The following TENM3 variants were observed in gnomAD, a reference collection of about 807,000 sequenced individuals.
The protein encoded by TENM3 is teneurin-3.
A neutral mutation model predicts 255.1 loss-of-function variants in TENM3; 63 were observed. The observed-to-expected ratio is 0.25, with a 90% CI of 0.20 to 0.30. The LOEUF (loss-of-function observed/expected upper bound fraction) is 0.30, where lower values mean the gene tolerates loss of function less well. TENM3 is among the 10% of genes least tolerant of loss of function. The probability of loss-of-function intolerance (pLI) is 1.00; values close to 1 mark genes in which losing one functional copy is unlikely to be tolerated. For missense variants in TENM3, 2,929 were observed against 3,461.1 expected (o/e 0.85, Z 3.86); for synonymous variants, 1,306 against 1,322.3 (o/e 0.99, Z 0.27).
At chr4:182,761,794 A>G (rs1188463728) in intron 22 of TENM3, among the ~76,000 whole-genome samples, 1 of 152,222 alleles carries the variant, frequency 6.6e-6, no homozygotes, top group Non-Finnish European at 1.5e-5. Context: ...AATTTTAAAT[A>G]TTTGATTTAG....
At chr4:182,386,747 C>T (rs1290764651) in intron 3 of TENM3, among the ~76,000 whole-genome samples, 5 of 152,218 alleles carry the variant, frequency 3.3e-5, no homozygotes, top group African/African-American at 4.8e-5. Context: ...AGCCCACCGG[C>T]GCTGCTCTCG....
At chr4:182,262,722 T>C (rs1378793380) in intron 1 of TENM3, among the ~76,000 whole-genome samples, 53 of 81,990 alleles carry the variant, frequency 6.5e-4, no homozygotes, top group Middle Eastern at 7.2e-3. Context: ...TTTACTTTCT[T>C]TTTTTTTTTT....
At chr4:182,727,711 C>A (rs1760332697) in intron 13 of TENM3, among the ~76,000 whole-genome samples, 1 of 152,046 alleles carries the variant, frequency 6.6e-6, no homozygotes, top group African/African-American at 2.4e-5. Flanking sequence ...TGATGGATTT[C>A]TTATTATTTC....
At chr4:181,669,592 T>G in the TENM3 span, among the ~76,000 whole-genome samples, 2 of 152,126 alleles carry the variant, frequency 1.3e-5, no homozygotes, top group African/African-American at 4.8e-5. Context: ...AATTTCCCAG[T>G]GTTACCCCAT....
At chr4:182,611,287 G>T (rs1463866739) in intron 4 of TENM3, among the ~76,000 whole-genome samples, 2 of 151,692 alleles carry the variant, frequency 1.3e-5, no homozygotes, top group Non-Finnish European at 2.9e-5. Context: ...CTAAGCTTGT[G>T]CCTGTTATCA....
At chr4:182,371,508 C>T (rs1202022860) in intron 3 of TENM3, among the ~76,000 whole-genome samples, 1 of 152,170 alleles carries the variant, frequency 6.6e-6, no homozygotes, top group African/African-American at 2.4e-5. Flanking sequence ...AAAATATCCA[C>T]AACGTGTTAC....
Position 182,679,710 on chromosome 4 carries a change from A to C in TENM3, c.1371A>C (p.Arg457Ser). 3.1e-6 allele frequency: 5 copies of C among 1,613,396 alleles called. No homozygotes were observed. Among genetic ancestry groups the C allele is most frequent in the Non-Finnish European group, 4.2e-6 (5 of 1,179,870 alleles). The change falls in exon 8 of 28, where the codon AGA (arginine) becomes AGC (serine). Residue 457 changes from arginine to serine, a missense_variant. This residue lies in a region of TENM3 where 1,608 missense variants were observed against 1,884.4 expected (regional missense o/e 0.85). Coordinates refer to ENST00000511685, the MANE Select transcript of TENM3 (RefSeq NM_001080477.4). Reference sequence around the variant, plus strand: ...TGGATGGCAGCAGGCTGATTGCCAGAGAGCAGCGGAGCCTGCTTGAGACGG... The same window carrying C: ...TGGATGGCAGCAGGCTGATTGCCAGCGAGCAGCGGAGCCTGCTTGAGACGG... ...ELLDGSRLIA[R>S]EQRSLLETER... is the part of the protein sequence containing the mutation.
intron 1 of TENM3, among the ~76,000 whole-genome samples, chr4:182,253,241 G>A (rs900779694): frequency 1.3e-5 from 2 of 152,186 alleles, no homozygotes; most frequent in African/African-American, 2.4e-5. Context: ...GGAGGCCGAG[G>A]TGGGTGGGTC....
rs546597125 is a variant in TENM3 at position 182,211,480 on chromosome 4, A to G, written c.-76+66726A>G. ...AATTATGTACAGAAATGTGTCTAAA[A>G]CATAGGCTATAGTCTGAGACTGAAT... On this transcript the variant is annotated intron_variant, in intron 1 of 2. Coordinates refer to the TENM3 transcript ENST00000512480. 2.0e-5 allele frequency among the ~76,000 whole-genome samples: 3 copies of G among 152,344 alleles called. No homozygotes were observed. In the East Asian group the frequency reaches 5.8e-4, roughly 29 times the overall value.
intron 4 of TENM3, among the ~76,000 whole-genome samples, chr4:182,615,069 A>ATTTT (rs35326593): frequency 0.1 from 13,351 of 130,070 alleles, 925 homozygotes; most frequent in Non-Finnish European, 0.15. Context: ...ATATATATGT[A>ATTTT]TTTTTTTTTT....
Position 182,793,513 on chromosome 4 carries a change from C to A in TENM3, c.6841C>A (p.Leu2281Ile). 1 of 1,613,988 alleles carries A rather than the reference C, an allele frequency of 6.2e-7. No homozygotes were observed. The highest frequency in any genetic ancestry group is 8.5e-7 in the Non-Finnish European group (1 of 1,179,882). ...TSLYYDLQGH[L>I]FAMEISSGDE... ...CCTGTATTATGATCTCCAAGGACAT[C>A]TTTTTGCCATGGAAATCAGCAGTGG... Residue 2281 changes from leucine (L) to isoleucine (I), a missense_variant, in exon 26 of 28, where the codon CTT (leucine) becomes ATT (isoleucine). Physicochemically the swap from Leu to Ile is conservative, Grantham distance 5. Transcript: ENST00000511685. The surrounding 1 kb of genome is among the most constrained non-coding windows in gnomAD (Gnocchi z 5.7).
At chr4:181,981,450 T>C in the TENM3 span, among the ~76,000 whole-genome samples, 2 of 152,102 alleles carry the variant, frequency 1.3e-5, no homozygotes, top group East Asian at 3.9e-4. Context: ...ATAAGACAAA[T>C]CACCATAAAT....
intron 19 of TENM3, among the ~76,000 whole-genome samples, chr4:182,745,948 C>G (rs550009442): frequency 1.3e-5 from 2 of 152,160 alleles, no homozygotes; most frequent in African/African-American, 4.8e-5. Context: ...TCCTTCTCCT[C>G]TGTCCATCAT....
the TENM3 span, among the ~76,000 whole-genome samples, chr4:181,762,765 C>G: frequency 6.6e-6 from 1 of 152,144 alleles, no homozygotes; most frequent in Admixed American, 6.5e-5. Context: ...GAACCAATCA[C>G]TGTTGGAGTA....
chr4:182,650,372 A>G (rs532968212), intron 5 of TENM3, among the ~76,000 whole-genome samples: 10 of 150,530 alleles, frequency 6.6e-5, no homozygotes, highest in Middle Eastern at 3.5e-3. Context: ...CCTTTGTGCC[A>G]TCCATGAATA....
intron 1 of TENM3, among the ~76,000 whole-genome samples, chr4:182,250,776 TTC>T (rs1757961328): frequency 6.6e-6 from 1 of 152,228 alleles, no homozygotes; most frequent in Non-Finnish European, 1.5e-5. Context: ...ATTTTTATAT[TTC>T]TGTTGACTAA....
At chr4:182,458,494 C>T (rs1311934842) in intron 3 of TENM3, among the ~76,000 whole-genome samples, 1 of 152,028 alleles carries the variant, frequency 6.6e-6, no homozygotes, top group Admixed American at 6.6e-5. Context: ...TTGGAAAAGT[C>T]GCTGGACTTT....
intron 2 of TENM3, among the ~76,000 whole-genome samples, chr4:182,344,005 A>T (rs952001455): frequency 6.6e-6 from 1 of 152,180 alleles, no homozygotes; most frequent in East Asian, 1.9e-4. Flanking sequence ...AAATGAGTTG[A>T]AAATGATCCT....
At chr4:181,834,428 A>AG in the TENM3 span, among the ~76,000 whole-genome samples, 40 of 152,326 alleles carry the variant, frequency 2.6e-4, no homozygotes, top group African/African-American at 9.4e-4. Context: ...CCAGTATTCC[A>AG]GGGGGCTTAC....
Sources: allele counts gnomAD v4.1 joint callset (sites outside exome capture counted in the v4.1 genomes callset), GRCh38; gene constraint gnomAD v4.1.1; regional missense constraint gnomAD v4.1.1; non-coding constraint Gnocchi (gnomAD v3.1); transcripts MANE v1.5; gene names NCBI Gene and HGNC (gene_info 2026-07-23, HGNC 2026-07-21).